MTCL1: variants seen among roughly 807,000 people sequenced by gnomAD.
MTCL1 encodes the protein microtubule crosslinking factor 1.
Under a neutral mutation model 141.4 loss-of-function variants are expected in MTCL1, and 79 were observed. The ratio of observed to expected loss-of-function variants is 0.56; its 90% CI spans 0.47 to 0.67. MTCL1 has a LOEUF of 0.67. MTCL1 is among the 30% of genes least tolerant of loss of function. MTCL1 has a pLI of 0.00. For missense variants in MTCL1, 2,177 were observed against 2,113.9 expected, an observed-to-expected ratio of 1.03 and a Z score of -0.59; for synonymous variants, 914 against 875.8, an observed-to-expected ratio of 1.04 and a Z score of -0.77.
At position 8,705,847 on chromosome 18, in the gene MTCL1, G is replaced by A; in HGVS notation, c.187G>A (p.Val63Ile). ...CCGGCCCGCCGCGCCCGGCCCGGCC[G>A]TCCCCTCCTCGGGCCGAGCCCCGGC... Residue 63 changes from valine to isoleucine, a missense_variant, in exon 1 of 14, where the codon GTC becomes ATC. Transcript: ENST00000306329. This position sits in a 1 kb window ranked among gnomAD's most constrained non-coding sequence, Gnocchi z 5.2. The A allele has an allele frequency of 6.9e-6, 8 of 1,164,340 alleles. No homozygotes were observed. The highest frequency in any genetic ancestry group is 8.5e-6 in the Non-Finnish European group (8 of 944,014). The allele number at this position is 1,164,340 out of a possible 1,614,324, so 72.1% of individuals were successfully genotyped here. A position where few individuals can be genotyped will look rare whatever the true frequency, so the allele number is the denominator to read the frequency against.
At chr18:8,726,906 C>G (rs2096219299) in intron 4 of MTCL1, among the ~76,000 whole-genome samples, 1 of 152,158 alleles carries the variant, frequency 6.6e-6, no homozygotes, top group African/African-American at 2.4e-5. Flanking sequence ...CGAACGGTGA[C>G]TGTACTCAGT....
rs1448816597 is a variant in MTCL1 at position 8,825,950 on chromosome 18, C to T, written c.4440C>T (p.Gly1480=). 6 of 1,599,858 alleles carry T rather than the reference C, an allele frequency of 3.8e-6. No individual in the cohort carries two copies. The Admixed American group carries it at 6.8e-5, about 18-fold the overall frequency. Reference sequence around the variant, plus strand: ...CAGCAGAGCCCCGACCAGAGCTGGGCCCAGGCCAGGAAACAGGCACCAATT... The same window carrying T: ...CAGCAGAGCCCCGACCAGAGCTGGGTCCAGGCCAGGAAACAGGCACCAATT... Residue 1480 remains glycine (G), a synonymous_variant, in exon 15 of 17, where the codon GGC becomes GGT. Coordinates refer to ENST00000359865, the Ensembl canonical transcript of MTCL1.
exon 1 of MTCL1, chr18:8,706,070 C>G (rs1054404101): frequency 2.5e-6 from 3 of 1,196,250 alleles, no homozygotes; most frequent in Admixed American, 9.0e-5. Flanking sequence ...CGCGTGGCGC[C>G]CGCGGAGCCG....
chr18:8,726,683 C>A (rs1004832504), intron 4 of MTCL1, among the ~76,000 whole-genome samples: 2 of 152,092 alleles, frequency 1.3e-5, no homozygotes, highest in African/African-American at 4.8e-5. Context: ...AGGGCATAAA[C>A]GTTCAGTCCA....
chr18:8,772,208 C>T (rs1321052257), intron 4 of MTCL1, among the ~76,000 whole-genome samples: 1 of 152,218 alleles, frequency 6.6e-6, no homozygotes, highest in Non-Finnish European at 1.5e-5. Context: ...GTTTCCCCAA[C>T]CCTCAGGGGG....
At chr18:8,802,299 A>G (rs1159874368) in intron 10 of MTCL1, 2 of 152,172 alleles carry the variant, frequency 1.3e-5, no homozygotes, top group African/African-American at 4.8e-5. Context: ...GGATGCTATC[A>G]CCTCTATTTT....
chr18:8,740,401 G>A (rs759123283), intron 4 of MTCL1, among the ~76,000 whole-genome samples: 1 of 152,224 alleles, frequency 6.6e-6, no homozygotes, highest in African/African-American at 2.4e-5. Context: ...CTGTGAGGCA[G>A]GTGGATTATT....
intron 7 of MTCL1, 29 bp downstream of exon 6, chr18:8,786,120 C>CCCCACA: frequency 7.4e-7 from 1 of 1,345,742 alleles, no homozygotes; most frequent in Non-Finnish European, 9.6e-7. Context: ...TCCCCCCCCC[C>CCCCACA]CGCCCTCCCC....
chr18:8,801,554 G>T (rs1157007815), intron 10 of MTCL1: 1 of 152,122 alleles, frequency 6.6e-6, no homozygotes, highest in Non-Finnish European at 1.5e-5. Flanking sequence ...CCCTGCGTGA[G>T]GTAAAAATTC....
At chr18:8,795,246 C>CT (rs1263693381) in intron 8 of MTCL1, among the ~76,000 whole-genome samples, 1 of 152,162 alleles carries the variant, frequency 6.6e-6, no homozygotes, top group African/African-American at 2.4e-5. Flanking sequence ...CCCATGGCCT[C>CT]TGAGAATTAA....
Position 8,718,800 on chromosome 18 carries a change from T to G in MTCL1, c.198+152T>G, listed in dbSNP as rs530988030. On this transcript the variant is annotated intron_variant, in intron 3 of 16. Transcript: ENST00000359865. ...TTTGCTTTATGGCTTATAGAGTGTG[T>G]GTAGTTATATGACTTTGACACCCCA... 3 of 655,858 alleles carry G rather than the reference T, an allele frequency of 4.6e-6. No homozygotes were observed. In the South Asian group the frequency reaches 5.7e-5, roughly 13 times the overall value. The allele number at this position is 655,858 out of a possible 1,614,324, so 40.6% of individuals were successfully genotyped here.
chr18:8,712,583 A>T (rs1168035123), upstream of MTCL1, among the ~76,000 whole-genome samples: 1 of 152,144 alleles, frequency 6.6e-6, no homozygotes, highest in East Asian at 1.9e-4. Flanking sequence ...TTCTTTCCTG[A>T]CATTCGCTGT....
chr18:8,826,002 G>A (rs762043555), exon 15 of MTCL1: 9 of 1,604,530 alleles, frequency 5.6e-6, no homozygotes, highest in South Asian at 4.5e-5. Context: ...TAGCCCCATT[G>A]GGGTGGGGTC....
rs541642162 is a variant in MTCL1 at position 8,729,198 on chromosome 18, A to C, written c.357+8702A>C. Among the ~76,000 whole-genome samples the C allele has an allele frequency of 2.8e-5, 3 of 105,636 alleles. No individual in the cohort carries two copies. In the East Asian group the frequency reaches 9.9e-4, roughly 35 times the overall value. 69.3% of individuals were successfully genotyped at this position (105,636 alleles called of 152,430 possible). On this transcript the variant is annotated intron_variant, in intron 4 of 16. Coordinates refer to ENST00000359865, the Ensembl canonical transcript of MTCL1. Reference sequence around the variant, plus strand: ...CCCCCACCCCCGGCCCCGAGTAGCTAGGCTAGTGCCACATGCCCAGCTAAT... The same window carrying C: ...CCCCCACCCCCGGCCCCGAGTAGCTCGGCTAGTGCCACATGCCCAGCTAAT...
At chr18:8,775,539 C>G (rs919072289) in intron 4 of MTCL1, among the ~76,000 whole-genome samples, 5 of 152,108 alleles carry the variant, frequency 3.3e-5, no homozygotes, top group Non-Finnish European at 5.9e-5. Flanking sequence ...CACCACTGCA[C>G]TCCAGCCTGG....
chr18:8,756,805 T>C (rs1325381464), intron 4 of MTCL1, among the ~76,000 whole-genome samples: 2 of 152,130 alleles, frequency 1.3e-5, no homozygotes, highest in Non-Finnish European at 2.9e-5. Context: ...CCCAAAGAAG[T>C]TGCAGTGAAT....
intron 5 of MTCL1, 44 bp downstream of exon 4, chr18:8,777,936 A>G: frequency 6.4e-7 from 1 of 1,553,906 alleles, no homozygotes; most frequent in Admixed American, 1.7e-5. Context: ...CCTATAAGTG[A>G]AGTCAACTCA....
intron 10 of MTCL1, among the ~76,000 whole-genome samples, chr18:8,805,294 T>C (rs895526264): frequency 2.0e-5 from 3 of 152,142 alleles, no homozygotes; most frequent in Non-Finnish European, 4.4e-5. Flanking sequence ...CAGTGTCTGT[T>C]GTTCCCATCT....
At chr18:8,789,028 A>G (rs1365810812) in intron 7 of MTCL1, among the ~76,000 whole-genome samples, 1 of 152,228 alleles carries the variant, frequency 6.6e-6, no homozygotes, top group Non-Finnish European at 1.5e-5. Context: ...CACCTTAAAA[A>G]TAGTCCTGAA....
Sources: gnomAD v4.1 joint callset for allele counts (sites outside exome capture counted in the v4.1 genomes callset) on GRCh38, gnomAD v4.1.1 for gene constraint, Gnocchi (gnomAD v3.1) non-coding constraint, MANE v1.5 for transcripts, NCBI Gene and HGNC (gene_info 2026-07-23, HGNC 2026-07-21) for gene names.